The following CADM2 variants were observed in gnomAD, a reference collection of about 807,000 sequenced individuals.
CADM2 encodes the protein cell adhesion molecule 2, also known as immunoglobulin superfamily member 4D.
In CADM2, 12 loss-of-function variants were observed where a neutral mutation model predicts 49.8. The ratio of observed to expected loss-of-function variants is 0.24; its 90% CI spans 0.15 to 0.39. CADM2 has a LOEUF of 0.39. Ranked by LOEUF, CADM2 falls within the 10% of genes least tolerant of loss-of-function variation. The probability of loss-of-function intolerance (pLI) is 1.00; values close to 1 mark genes in which losing one functional copy is unlikely to be tolerated. For synonymous variants in CADM2, 214 were observed against 175.4 expected (o/e 1.22, Z -1.74); for missense variants, 378 against 492.3 (o/e 0.77, Z 2.20).
intron 1 of CADM2, among the ~76,000 whole-genome samples, chr3:85,106,810 A>T (rs2038244464): frequency 6.6e-6 from 1 of 152,140 alleles, no homozygotes; most frequent in South Asian, 2.1e-4. Flanking sequence ...AGAGAGAAGC[A>T]TCTATATACA....
intron 3 of CADM2, among the ~76,000 whole-genome samples, chr3:85,816,633 T>C (rs1392412037): frequency 2.0e-5 from 3 of 152,164 alleles, no homozygotes; most frequent in Non-Finnish European, 4.4e-5. Flanking sequence ...TTTTCAAATA[T>C]CATTACATGG....
At chr3:85,070,395 A>G (rs6804299) in intron 1 of CADM2, among the ~76,000 whole-genome samples, 11,838 of 152,176 alleles carry the variant, frequency 0.078, 1,521 homozygotes, top group African/African-American at 0.27. Flanking sequence ...TTCTTATAGA[A>G]AGACTAGATT....
At chr3:85,295,874 A>G (rs562196787) in intron 1 of CADM2, among the ~76,000 whole-genome samples, 1 of 151,978 alleles carries the variant, frequency 6.6e-6, no homozygotes, top group Non-Finnish European at 1.5e-5. Context: ...ACATGTATAC[A>G]TATGTAACTA....
intron 1 of CADM2, among the ~76,000 whole-genome samples, chr3:85,668,346 AC>A (rs927757187): frequency 1.8e-4 from 28 of 151,900 alleles, no homozygotes; most frequent in African/African-American, 5.5e-4. Context: ...AAACAAAAAA[AC>A]ACCTCAAATA....
chr3:86,011,961 A>C (rs2106918830), intron 8 of CADM2, among the ~76,000 whole-genome samples: 1 of 152,176 alleles, frequency 6.6e-6, no homozygotes, highest in Non-Finnish European at 1.5e-5. Flanking sequence ...TTAATTAAGA[A>C]GATACATTTT....
At chr3:85,018,874 C>A (rs1559619818) in intron 1 of CADM2, among the ~76,000 whole-genome samples, 1 of 152,162 alleles carries the variant, frequency 6.6e-6, no homozygotes, top group Non-Finnish European at 1.5e-5. Flanking sequence ...CATTACTCAT[C>A]TGATAAGACA....
At chr3:85,979,687 A>G (rs1255692545) in intron 8 of CADM2, among the ~76,000 whole-genome samples, 1 of 151,640 alleles carries the variant, frequency 6.6e-6, no homozygotes, top group Non-Finnish European at 1.5e-5. Context: ...CTCCTCTGCA[A>G]CTATGTTAAA....
At chr3:85,471,919 A>T (rs1280848175) in intron 1 of CADM2, among the ~76,000 whole-genome samples, 1 of 151,794 alleles carries the variant, frequency 6.6e-6, no homozygotes, top group Non-Finnish European at 1.5e-5. Context: ...TATTCTTTAT[A>T]CATTATCTCT....
chr3:85,604,357 T>G (rs2063494172), intron 1 of CADM2, among the ~76,000 whole-genome samples: 1 of 151,896 alleles, frequency 6.6e-6, no homozygotes, highest in Non-Finnish European at 1.5e-5. Context: ...TACCTGATAC[T>G]GTATCTACCA....
At chr3:85,710,470 T>C (rs925226908) in intron 1 of CADM2, among the ~76,000 whole-genome samples, 1 of 152,180 alleles carries the variant, frequency 6.6e-6, no homozygotes, top group African/African-American at 2.4e-5. Context: ...AAATGGCTTT[T>C]ATATTATCTT....
At chr3:85,277,784 A>G (rs2043394282) in intron 1 of CADM2, among the ~76,000 whole-genome samples, 1 of 151,118 alleles carries the variant, frequency 6.6e-6, no homozygotes. Context: ...TCTATTGCAA[A>G]CAATTCTTGA....
chr3:86,065,056 G>T (rs1262113254), intron 8 of CADM2, among the ~76,000 whole-genome samples: 1 of 152,130 alleles, frequency 6.6e-6, no homozygotes, highest in East Asian at 1.9e-4. Flanking sequence ...ACAACTGGAA[G>T]TTCTTCCTCT....
chr3:85,990,461 A>ATTATCTGGAC (rs1728647447), intron 8 of CADM2, among the ~76,000 whole-genome samples: 1 of 152,158 alleles, frequency 6.6e-6, no homozygotes, highest in Non-Finnish European at 1.5e-5. Flanking sequence ...ACGCCATCAT[A>ATTATCTGGAC]AATTTAGGCG....
intron 1 of CADM2, among the ~76,000 whole-genome samples, chr3:85,334,176 A>T (rs1038042973): frequency 1.5e-4 from 22 of 151,598 alleles, no homozygotes; most frequent in Admixed American, 4.0e-4. Context: ...TTAGTCAACA[A>T]CTTGTAATCA....
intron 1 of CADM2, among the ~76,000 whole-genome samples, chr3:85,067,449 G>T (rs892094225): frequency 6.6e-6 from 1 of 152,140 alleles, no homozygotes; most frequent in Admixed American, 6.6e-5. Flanking sequence ...GGAAGGTTAT[G>T]AAATACATTC....
intron 1 of CADM2, among the ~76,000 whole-genome samples, chr3:85,204,888 C>T (rs1044494316): frequency 4.0e-5 from 6 of 151,548 alleles, no homozygotes; most frequent in Non-Finnish European, 7.4e-5. Flanking sequence ...AAAGCTAATA[C>T]AGAAAAGAAC....
intron 1 of CADM2, among the ~76,000 whole-genome samples, chr3:85,236,392 G>C (rs750453441): frequency 6.6e-5 from 10 of 152,014 alleles, no homozygotes; most frequent in Non-Finnish European, 1.3e-4. Context: ...CAAAATGAGA[G>C]TAATAATTGA....
intron 8 of CADM2, among the ~76,000 whole-genome samples, chr3:85,987,496 T>C (rs1728252195): frequency 6.6e-6 from 1 of 150,552 alleles, no homozygotes; most frequent in Admixed American, 6.6e-5. Flanking sequence ...AGTATATATG[T>C]TTTCTGAAAA....
chr3:85,880,043 C>G (rs906368384), intron 3 of CADM2, among the ~76,000 whole-genome samples: 1 of 152,144 alleles, frequency 6.6e-6, no homozygotes, highest in Non-Finnish European at 1.5e-5. Flanking sequence ...GGCAACCAAA[C>G]GCTGTTCTCT....
Sources: allele counts gnomAD v4.1 joint callset (sites outside exome capture counted in the v4.1 genomes callset), GRCh38; gene constraint gnomAD v4.1.1; transcripts MANE v1.5; gene names NCBI Gene and HGNC (gene_info 2026-07-23, HGNC 2026-07-21).